Variants in MCTP1 observed in about 807,000 individuals in gnomAD.
The protein encoded by MCTP1 is multiple C2 and transmembrane domain containing 1.
MCTP1 carries 69 observed loss-of-function variants against 120.6 expected under a neutral mutation model. The ratio of observed to expected loss-of-function variants is 0.57; its 90% CI spans 0.47 to 0.70. MCTP1 has a LOEUF of 0.70. Ranked by LOEUF, MCTP1 falls within the 30% of genes least tolerant of loss-of-function variation. The probability of loss-of-function intolerance (pLI) is 0.00; values close to 1 mark genes in which losing one functional copy is unlikely to be tolerated. For synonymous variants in MCTP1, 529 were observed against 493.1 expected (o/e 1.07, Z -0.96); for missense variants, 1,203 against 1,248.8 (o/e 0.96, Z 0.55).
intron 1 of MCTP1, among the ~76,000 whole-genome samples, chr5:95,101,758 G>T (rs545501971): frequency 6.2e-4 from 94 of 152,306 alleles, no homozygotes; most frequent in African/African-American, 2.1e-3. Context: ...CTGGTCACAG[G>T]TTCAATGGAG....
chr5:94,947,577 TAGAGAGAGAGAG>T (rs3030518), intron 3 of MCTP1, among the ~76,000 whole-genome samples: 921 of 47,394 alleles, frequency 0.019, 30 homozygotes, highest in Middle Eastern at 0.095. Context: ...TATATATATA[TAGAGAGAGAGAG>T]AGAGAGAGAG....
intron 2 of MCTP1, among the ~76,000 whole-genome samples, chr5:94,961,417 TA>T (rs1234245517): frequency 2.6e-5 from 4 of 151,060 alleles, no homozygotes; most frequent in East Asian, 3.9e-4. Context: ...AAGTATAATT[TA>T]AAAAAAAAGA....
At chr5:94,818,473 T>C (rs1323402156) in intron 17 of MCTP1, among the ~76,000 whole-genome samples, 1 of 152,198 alleles carries the variant, frequency 6.6e-6, no homozygotes, top group Non-Finnish European at 1.5e-5. Flanking sequence ...TTATGAGTTA[T>C]TGACTAAAAA....
intron 1 of MCTP1, among the ~76,000 whole-genome samples, chr5:95,175,942 G>A (rs1562209795): frequency 6.6e-6 from 1 of 152,122 alleles, no homozygotes; most frequent in Non-Finnish European, 1.5e-5. Context: ...TTCCAGAAGT[G>A]CTAGCAGAAT....
At chr5:94,870,193 C>G (rs1797571328) in intron 16 of MCTP1, among the ~76,000 whole-genome samples, 1 of 152,052 alleles carries the variant, frequency 6.6e-6, no homozygotes, top group African/African-American at 2.4e-5. Flanking sequence ...TCTGACCACC[C>G]CCATCCAATT....
At chr5:95,126,331 G>A (rs1758628859) in intron 1 of MCTP1, among the ~76,000 whole-genome samples, 1 of 152,124 alleles carries the variant, frequency 6.6e-6, no homozygotes. Flanking sequence ...ATATCTGAGG[G>A]CTACTTGTGT....
At chr5:94,935,978 T>C (rs1816091208) in intron 5 of MCTP1, among the ~76,000 whole-genome samples, 1 of 152,066 alleles carries the variant, frequency 6.6e-6, no homozygotes, top group African/African-American at 2.4e-5. Context: ...ATCTCTGATT[T>C]TTAACCAAGA....
At chr5:94,971,307 G>A (rs1826811146) in intron 2 of MCTP1, among the ~76,000 whole-genome samples, 1 of 151,766 alleles carries the variant, frequency 6.6e-6, no homozygotes, top group African/African-American at 2.4e-5. Flanking sequence ...ATACTTAAAG[G>A]AATTATTTCT....
chr5:95,184,510 T>C (rs1026742359), intron 1 of MCTP1, among the ~76,000 whole-genome samples: 2 of 152,212 alleles, frequency 1.3e-5, no homozygotes, highest in African/African-American at 4.8e-5. Flanking sequence ...TCCTTGTTCA[T>C]TCCCGGGTGT....
chr5:94,934,198 A>C (rs1229129710), intron 5 of MCTP1, among the ~76,000 whole-genome samples: 1 of 151,650 alleles, frequency 6.6e-6, no homozygotes, highest in Non-Finnish European at 1.5e-5. Flanking sequence ...AATTAAAAAG[A>C]AAATTTAATA....
intron 1 of MCTP1, among the ~76,000 whole-genome samples, chr5:95,116,846 C>T (rs189915775): frequency 2.1e-4 from 32 of 152,028 alleles, no homozygotes; most frequent in East Asian, 5.8e-4. Context: ...TTGCCTGTTG[C>T]GGGTGTATAC....
intron 1 of MCTP1, among the ~76,000 whole-genome samples, chr5:95,061,406 G>GGGTT (rs1407003082): frequency 5.5e-5 from 4 of 73,096 alleles, no homozygotes; most frequent in South Asian, 9.6e-4. Context: ...AACCCCTTAA[G>GGGTT]GGTTTTTTTT....
chr5:95,283,604 T>C (rs1262676069), intron 1 of MCTP1, among the ~76,000 whole-genome samples: 1 of 152,278 alleles, frequency 6.6e-6, no homozygotes, highest in East Asian at 1.9e-4. Flanking sequence ...TAACTTTTCA[T>C]TGACTACTCA....
Position 94,909,400 on chromosome 5 carries a change from A to C in MCTP1, c.1522-19T>G. 6.4e-7 allele frequency: 1 copy of C among 1,568,552 alleles called. No individual in the cohort carries two copies. The highest frequency in any genetic ancestry group is 8.6e-7 in the Non-Finnish European group (1 of 1,164,964). On this transcript the variant is annotated intron_variant, in intron 9 of 22. Transcript: ENST00000515393. The stretch of plus-strand genomic sequence containing the variant: ...GCATAATCTGGAAAAAAAAATCATA[A>C]TTGTCATATTGCTAGCAGCTTTTTA...
At chr5:94,788,311 CA>C (rs1778184789) in intron 18 of MCTP1, among the ~76,000 whole-genome samples, 1 of 152,138 alleles carries the variant, frequency 6.6e-6, no homozygotes, top group Admixed American at 6.5e-5. Flanking sequence ...TCTATGTACA[CA>C]AGGGTAGAAA....
chr5:94,903,243 A>C lies in MCTP1; in HGVS notation c.1652+6008T>G, dbSNP rs557618369. Among the ~76,000 whole-genome samples, 4 of 152,310 alleles carry C rather than the reference A, an allele frequency of 2.6e-5. No individual in the cohort carries two copies. In the South Asian group the frequency reaches 8.3e-4, roughly 32 times the overall value. ...CCTTGTGCTTTCAGATTAATAATGCAGTAGGATTTCTCCTGCTCTTATTTA... is the reference window on the plus strand; with the variant it reads ...CCTTGTGCTTTCAGATTAATAATGCCGTAGGATTTCTCCTGCTCTTATTTA... On this transcript the variant is annotated intron_variant, in intron 10 of 22. Coordinates refer to ENST00000515393, the MANE Select transcript of MCTP1 (RefSeq NM_024717.7).
intron 1 of MCTP1, among the ~76,000 whole-genome samples, chr5:95,152,907 C>T (rs1744697170): frequency 6.6e-6 from 1 of 152,116 alleles, no homozygotes; most frequent in East Asian, 1.9e-4. Flanking sequence ...TGTATACTTC[C>T]CTATTTCTGT....
Position 94,754,059 on chromosome 5 carries a change from T to C in MCTP1, c.2610+25051A>G, listed in dbSNP as rs141855484. On this transcript the variant is annotated intron_variant, in intron 19 of 22. Transcript: ENST00000515393. Reference sequence around the variant, plus strand: ...TTATTTACCTGAGAGAGTTAAAGTGTATTGGCTATGCTTTTTAAAAACGGG... The same window carrying C: ...TTATTTACCTGAGAGAGTTAAAGTGCATTGGCTATGCTTTTTAAAAACGGG... Among the ~76,000 whole-genome samples the C allele has an allele frequency of 1.1e-3, 162 of 152,354 alleles. 2 individuals are homozygous for C. The highest frequency in any genetic ancestry group is 9.1e-3 in the South Asian group (44 of 4,828).
At chr5:94,714,958 CCTCT>C in intron 19 of MCTP1, 72 bp from the exon 20 acceptor site, 1 of 879,766 alleles carries the variant, frequency 1.1e-6, no homozygotes, top group Admixed American at 2.0e-5. Flanking sequence ...TTGTGTTGTC[CCTCT>C]GTTACATTTT....
Sources: allele counts gnomAD v4.1 joint callset (sites outside exome capture counted in the v4.1 genomes callset), GRCh38; gene constraint gnomAD v4.1.1; transcripts MANE v1.5; gene names NCBI Gene and HGNC (gene_info 2026-07-23, HGNC 2026-07-21).